The following RASGRF1 variants were observed in gnomAD, a reference collection of about 807,000 sequenced individuals.
RASGRF1 encodes Ras protein specific guanine nucleotide releasing factor 1.
RASGRF1 carries 40 observed loss-of-function variants against 138.7 expected under a neutral mutation model. The observed-to-expected ratio is 0.29, with a 90% CI of 0.22 to 0.38. RASGRF1 has a LOEUF of 0.38. RASGRF1 is among the 10% of genes least tolerant of loss of function. RASGRF1 has a pLI of 1.00. For missense variants in RASGRF1, 1,108 were observed against 1,650.4 expected, an observed-to-expected ratio of 0.67 and a Z score of 5.69; for synonymous variants, 614 against 663.2, an observed-to-expected ratio of 0.93 and a Z score of 1.14.
chr15:79,047,766 A>G (rs2057374349), intron 4 of RASGRF1, among the ~76,000 whole-genome samples: 1 of 152,162 alleles, frequency 6.6e-6, no homozygotes, highest in Admixed American at 6.5e-5. Flanking sequence ...TAAGCTGTAC[A>G]GGCTTCCAAT....
chr15:78,971,268 A>G (rs537679004), intron 26 of RASGRF1, among the ~76,000 whole-genome samples: 9 of 152,276 alleles, frequency 5.9e-5, no homozygotes, highest in African/African-American at 2.2e-4. Context: ...AACAACCTAA[A>G]TGTTCATCAA....
chr15:78,986,345 A>C (rs1381022028), intron 22 of RASGRF1, among the ~76,000 whole-genome samples: 2 of 151,492 alleles, frequency 1.3e-5, no homozygotes, highest in Admixed American at 1.3e-4. Context: ...GCAACTTTCT[A>C]AGACTCTTTT....
chr15:78,979,352 G>C, intron 24 of RASGRF1: 1 of 424,196 alleles, frequency 2.4e-6, no homozygotes, highest in South Asian at 2.8e-5. Flanking sequence ...CCACTGTCAA[G>C]GGCTGGAGGT....
At chr15:79,062,190 G>C (rs1595954164) in intron 2 of RASGRF1, among the ~76,000 whole-genome samples, 1 of 152,314 alleles carries the variant, frequency 6.6e-6, no homozygotes, top group Non-Finnish European at 1.5e-5. Context: ...GCACGTAAAA[G>C]TTAGAATTCT....
chr15:79,006,336 C>A lies in RASGRF1; in HGVS notation c.1925G>T (p.Arg642Leu), dbSNP rs1220323522. 1 of 1,614,198 alleles carries A rather than the reference C, an allele frequency of 6.2e-7. No homozygotes were observed. The highest frequency in any genetic ancestry group is 1.1e-5 in the South Asian group (1 of 91,084). The change falls in exon 14 of 27, where the codon CGG (arginine) becomes CTG (leucine). Residue 642 changes from arginine (R) to leucine (L), a missense_variant. Arg to Leu is a moderately radical substitution (Grantham distance 102). Around this residue, in one of 3 missense-constraint regions of RASGRF1, gnomAD observed 686 missense variants for 976.7 expected, o/e 0.70. Transcript: ENST00000558480. This position sits in a 1 kb window ranked among gnomAD's most constrained non-coding sequence, Gnocchi z 4.0. ...VLQIRYASVE[R>L]LLERLTDLRF... The stretch of plus-strand genomic sequence containing the variant: ...CAGGTCCGTCAGCCTCTCCAGCAGC[C>A]GCTCCACACTGGCGTAGCGGATCTG...
At chr15:79,060,443 C>A (rs1212181713) in intron 2 of RASGRF1, among the ~76,000 whole-genome samples, 3 of 152,222 alleles carry the variant, frequency 2.0e-5, no homozygotes, top group Non-Finnish European at 4.4e-5. Context: ...GTATTGATCA[C>A]CAGCTGCTCC....
chr15:79,090,582 CTCTCTGGCG>C lies in RASGRF1; in HGVS notation c.-93_-85del. 1 of 1,548,620 alleles carries C rather than the reference CTCTCTGGCG, an allele frequency of 6.5e-7. No homozygotes were observed. Among genetic ancestry groups the C allele is most frequent in the East Asian group, 2.3e-5 (1 of 44,270 alleles). ...CGTCCGTGCGCGCTGCGCGCTGCCT[CTCTCTGGCG>C]CTCGCTCGCTCGCTCCCTCTAGCTC... is the stretch of plus-strand genomic sequence containing the variant. On this transcript the variant is annotated 5_prime_UTR_variant, in exon 1 of 27. Coordinates refer to ENST00000558480, the MANE Select transcript of RASGRF1 (RefSeq NM_001145648.3).
chr15:78,999,714 AC>A (rs747561778), intron 17 of RASGRF1, 28 bp downstream of exon 17: 1 of 1,605,822 alleles, frequency 6.2e-7, no homozygotes, highest in African/African-American at 1.3e-5. Flanking sequence ...CATGGGGAGG[AC>A]CCTGTGAGTG....
At chr15:79,086,711 G>A (rs1375747375) in intron 1 of RASGRF1, among the ~76,000 whole-genome samples, 2 of 152,186 alleles carry the variant, frequency 1.3e-5, no homozygotes, top group Admixed American at 1.3e-4. Flanking sequence ...TTCCTGGTTG[G>A]GAAGAGTGAA....
chr15:78,998,073 C>G (rs772236687), intron 19 of RASGRF1, 23 bp downstream of exon 19: 1 of 1,594,306 alleles, frequency 6.3e-7, no homozygotes, highest in East Asian at 2.2e-5. Context: ...AGTTCTGAGC[C>G]AGGAACCAGG....
intron 3 of RASGRF1, among the ~76,000 whole-genome samples, chr15:79,057,931 T>C (rs1409565332): frequency 6.6e-6 from 1 of 152,220 alleles, no homozygotes; most frequent in Non-Finnish European, 1.5e-5. Flanking sequence ...CCAGTGACCC[T>C]GCGCTCTCCA....
At chr15:79,009,858 G>T (rs1253200274) in intron 13 of RASGRF1, among the ~76,000 whole-genome samples, 5 of 151,748 alleles carry the variant, frequency 3.3e-5, no homozygotes, top group Non-Finnish European at 7.4e-5. Context: ...CTGAGTAGCT[G>T]GGATTACAGG....
At chr15:78,975,662 C>A (rs1039967719) in intron 24 of RASGRF1, among the ~76,000 whole-genome samples, 2 of 152,038 alleles carry the variant, frequency 1.3e-5, no homozygotes, top group Admixed American at 1.3e-4. Context: ...ATGCATGCAC[C>A]ACCATACCCA....
Position 79,027,402 on chromosome 15 carries a change from C to G in RASGRF1, c.1381+339G>C, listed in dbSNP as rs774850508. 1.6e-4 allele frequency among the ~76,000 whole-genome samples: 24 copies of G among 152,214 alleles called. No homozygotes were observed. The highest frequency in any genetic ancestry group is 3.1e-4 in the Non-Finnish European group (21 of 68,034). The stretch of plus-strand genomic sequence containing the variant: ...TCTGACTCACAGAGACAACTGTTAG[C>G]TCCTCATCCCCCGCCCCATACTTTC... On this transcript the variant is annotated intron_variant, in intron 9 of 26. Coordinates refer to ENST00000558480, the MANE Select transcript of RASGRF1 (RefSeq NM_001145648.3). The surrounding 1 kb of genome is among the most constrained non-coding windows in gnomAD (Gnocchi z 4.8).
chr15:78,965,380 G>A (rs2055623083), intron 26 of RASGRF1, among the ~76,000 whole-genome samples: 1 of 151,882 alleles, frequency 6.6e-6, no homozygotes, highest in Non-Finnish European at 1.5e-5. Flanking sequence ...AGCCACATTA[G>A]ACCCCCTCAA....
chr15:79,013,870 G>T (rs2056837389), intron 13 of RASGRF1, among the ~76,000 whole-genome samples: 1 of 152,174 alleles, frequency 6.6e-6, no homozygotes, highest in South Asian at 2.1e-4. Context: ...CAGTGGTCCT[G>T]GAGCCTGCGT....
intron 24 of RASGRF1, chr15:78,978,846 TA>T: frequency 8.4e-7 from 1 of 1,186,232 alleles, no homozygotes; most frequent in South Asian, 1.6e-5. Context: ...CTGGTTTGCA[TA>T]AAGCTCTTAG....
At position 79,033,450 on chromosome 15, in the gene RASGRF1, C is replaced by T. The variant is rs115880262; in HGVS notation, c.959-1134G>A. On this transcript the variant is annotated intron_variant, in intron 6 of 26. Transcript: ENST00000558480. ...GTTTTTTGTAGAGATAGAGTTTTACCACGTTGGCCAGGATGGTCTTGAACT... is the reference window on the plus strand; with the variant it reads ...GTTTTTTGTAGAGATAGAGTTTTACTACGTTGGCCAGGATGGTCTTGAACT... Among the ~76,000 whole-genome samples the T allele has an allele frequency of 7.4e-3, 1,132 of 152,048 alleles. 7 individuals carry two copies. The highest frequency in any genetic ancestry group is 0.026 in the African/African-American group (1,097 of 41,456).
intron 10 of RASGRF1, among the ~76,000 whole-genome samples, chr15:79,022,845 G>A (rs1167550176): frequency 6.6e-6 from 1 of 152,220 alleles, no homozygotes; most frequent in African/African-American, 2.4e-5. Flanking sequence ...TCCAGGGTCT[G>A]GAAGAATGGT....
Sources: gnomAD v4.1 joint callset for allele counts (sites outside exome capture counted in the v4.1 genomes callset) on GRCh38, gnomAD v4.1.1 for gene constraint, gnomAD v4.1.1 regional missense constraint, Gnocchi (gnomAD v3.1) non-coding constraint, MANE v1.5 for transcripts, NCBI Gene and HGNC (gene_info 2026-07-23, HGNC 2026-07-21) for gene names.